Variants in NPAS3 observed in about 807,000 individuals in gnomAD.
The protein encoded by NPAS3 is neuronal PAS domain-containing protein 3.
In NPAS3, 14 loss-of-function variants were observed where a neutral mutation model predicts 73.1. The observed-to-expected ratio is 0.19, with a 90% CI of 0.13 to 0.30. The LOEUF (loss-of-function observed/expected upper bound fraction) is 0.30, where lower values mean the gene tolerates loss of function less well. Ranked by LOEUF, NPAS3 falls within the 10% of genes least tolerant of loss-of-function variation. The pLI is 1.00. For missense variants in NPAS3, 1,096 were observed against 1,250.0 expected (o/e 0.88, Z 1.86); for synonymous variants, 620 against 541.5 (o/e 1.14, Z -2.01).
At chr14:33,196,420 A>C (rs1462488197) in intron 2 of NPAS3, among the ~76,000 whole-genome samples, 1 of 152,142 alleles carries the variant, frequency 6.6e-6, no homozygotes, top group Non-Finnish European at 1.5e-5. Context: ...GGGGAAGCAA[A>C]CTCTACTTTT....
intron 6 of NPAS3, among the ~76,000 whole-genome samples, chr14:33,724,246 A>T (rs1320199385): frequency 6.6e-6 from 1 of 152,318 alleles, no homozygotes; most frequent in African/African-American, 2.4e-5. Context: ...CTAAAAACCC[A>T]ATTAGAAAAT....
intron 2 of NPAS3, among the ~76,000 whole-genome samples, chr14:33,151,243 A>G (rs1028045748): frequency 1.4e-4 from 21 of 152,220 alleles, no homozygotes; most frequent in African/African-American, 4.8e-4. Context: ...CTGCTCCCAC[A>G]AGGAGGCCTT....
intron 1 of NPAS3, among the ~76,000 whole-genome samples, chr14:32,971,963 G>A (rs911357950): frequency 1.7e-5 from 2 of 119,448 alleles, no homozygotes; most frequent in African/African-American, 6.5e-5. Context: ...TTTTTGAGAT[G>A]GAGTCTCACT....
intron 3 of NPAS3, among the ~76,000 whole-genome samples, chr14:33,256,816 A>G (rs1206784243): frequency 1.3e-5 from 2 of 152,156 alleles, no homozygotes; most frequent in African/African-American, 4.8e-5. Flanking sequence ...CACACTCTGC[A>G]TTGTTCTTTG....
intron 5 of NPAS3, chr14:33,578,345 TACCACACCTGGCTAA>T: frequency 2.6e-6 from 1 of 389,334 alleles, no homozygotes. Context: ...AGGCATGTAC[TACCACACCTGGCTAA>T]TTTTTTGTAT....
At chr14:33,669,394 T>A (rs2059547635) in intron 5 of NPAS3, among the ~76,000 whole-genome samples, 1 of 152,208 alleles carries the variant, frequency 6.6e-6, no homozygotes. Context: ...CTTTCACAAA[T>A]CCCTGGGCTC....
intron 5 of NPAS3, among the ~76,000 whole-genome samples, chr14:33,566,082 T>C (rs917756053): frequency 1.1e-4 from 17 of 152,052 alleles, no homozygotes; most frequent in Admixed American, 8.5e-4. Flanking sequence ...TGAGAAAATA[T>C]AAGTATCAAA....
rs950391652 is a variant in NPAS3, at chr14:33,279,813, A to C, written c.385+64387A>C. On this transcript the variant is annotated intron_variant, in intron 3 of 11. Transcript: ENST00000356141. ...TTCTACCCTGGGAATGAAATATCCA[A>C]AATGCCCAAAATAGCAGGTTGAATC... 6.6e-5 allele frequency among the ~76,000 whole-genome samples: 10 copies of C among 152,198 alleles called. 1 individual carries two copies. Among genetic ancestry groups the C allele is most frequent in the Middle Eastern group, 6.3e-3 (2 of 316 alleles).
At chr14:32,954,584 C>T (rs1031737452) in intron 1 of NPAS3, among the ~76,000 whole-genome samples, 2 of 152,046 alleles carry the variant, frequency 1.3e-5, no homozygotes, top group Non-Finnish European at 2.9e-5. Flanking sequence ...TCTGGGGCCC[C>T]TCCATTTCCC....
intron 6 of NPAS3, among the ~76,000 whole-genome samples, chr14:33,708,905 G>A (rs2060738230): frequency 6.6e-6 from 1 of 152,110 alleles, no homozygotes; most frequent in African/African-American, 2.4e-5. Context: ...TCATGCAGAG[G>A]CTAGCTTTTC....
chr14:33,082,040 A>G (rs536761233), intron 2 of NPAS3, among the ~76,000 whole-genome samples: 1 of 152,358 alleles, frequency 6.6e-6, no homozygotes, highest in East Asian at 1.9e-4. Flanking sequence ...AATAAGCACT[A>G]TTAAAGCATC....
intron 4 of NPAS3, among the ~76,000 whole-genome samples, chr14:33,447,272 T>C (rs568307182): frequency 2.4e-4 from 36 of 152,328 alleles, no homozygotes; most frequent in South Asian, 1.2e-3. Context: ...GAATTCTAAA[T>C]GCAAGAAATG....
At chr14:33,006,236 G>C (rs17099849) in intron 1 of NPAS3, among the ~76,000 whole-genome samples, 3,525 of 152,252 alleles carry the variant, frequency 0.023, 101 homozygotes, top group South Asian at 0.071. Context: ...AGGGAGAAAG[G>C]CTGGGCCTAG....
intron 6 of NPAS3, among the ~76,000 whole-genome samples, chr14:33,729,873 T>C (rs1005017596): frequency 1.3e-5 from 2 of 152,158 alleles, no homozygotes; most frequent in African/African-American, 4.8e-5. Flanking sequence ...ATTTTAAAAC[T>C]ACCACAGATG....
intron 9 of NPAS3, among the ~76,000 whole-genome samples, chr14:33,789,547 G>A (rs1011809882): frequency 6.8e-6 from 1 of 147,730 alleles, no homozygotes; most frequent in African/African-American, 2.5e-5. Context: ...TAAAAGTTTT[G>A]GGATCCTCAA....
chr14:33,352,343 C>T (rs572995977), intron 3 of NPAS3, among the ~76,000 whole-genome samples: 20 of 152,286 alleles, frequency 1.3e-4, no homozygotes, highest in African/African-American at 4.8e-4. Flanking sequence ...TAATCTTCGT[C>T]GTCAAAAGCA....
intron 1 of NPAS3, among the ~76,000 whole-genome samples, chr14:32,952,085 G>T (rs986389521): frequency 1.3e-4 from 20 of 151,948 alleles, no homozygotes; most frequent in Non-Finnish European, 2.9e-4. Context: ...TTCTATATGT[G>T]TGTGTAGATT....
rs576025213 is a variant in NPAS3 at position 32,982,356 on chromosome 14, G to A, written c.50+42990G>A. On this transcript the variant is annotated intron_variant, in intron 1 of 11. Coordinates refer to ENST00000356141, the Ensembl canonical transcript of NPAS3. ...ACTGGGGATTAAGTTTCCAACACAT[G>A]CATTTTGTGAAACATGTTCAAACCA... 2.5e-4 allele frequency among the ~76,000 whole-genome samples: 38 copies of A among 152,228 alleles called. No homozygotes were observed. The South Asian group carries it at 7.7e-3, about 31-fold the overall frequency.
At chr14:33,378,398 CT>C (rs1035252674) in intron 4 of NPAS3, among the ~76,000 whole-genome samples, 3 of 152,140 alleles carry the variant, frequency 2.0e-5, no homozygotes, top group Admixed American at 6.5e-5. Context: ...CACATATTCC[CT>C]TTTTAAGTTT....
Sources: gnomAD v4.1 joint callset for allele counts (sites outside exome capture counted in the v4.1 genomes callset) on GRCh38, gnomAD v4.1.1 for gene constraint, MANE v1.5 for transcripts, NCBI Gene and HGNC (gene_info 2026-07-23, HGNC 2026-07-21) for gene names.